The following PHACTR2 variants were observed in gnomAD, a reference collection of about 807,000 sequenced individuals.
PHACTR2 encodes the protein phosphatase and actin regulator 2.
Under a neutral mutation model 76.0 loss-of-function variants are expected in PHACTR2, and 30 were observed. The observed-to-expected ratio is 0.39, with a 90% confidence interval of 0.30 to 0.54. PHACTR2 has a LOEUF of 0.54. Ranked by LOEUF, PHACTR2 falls within the 20% of genes least tolerant of loss-of-function variation. The probability of loss-of-function intolerance (pLI) is 0.61; values close to 1 mark genes in which losing one functional copy is unlikely to be tolerated. For missense variants in PHACTR2, 696 were observed against 781.1 expected (o/e 0.89, Z 1.30); for synonymous variants, 292 against 292.5 (o/e 1.00, Z 0.02).
rs1775509657 is a variant in PHACTR2, at chr6:143,784,604, C to G, written c.1707+1324C>G. On this transcript the variant is annotated intron_variant, in intron 10 of 12. Transcript: ENST00000440869. The surrounding 1 kb of genome is among the most constrained non-coding windows in gnomAD (Gnocchi z 4.5). ...GGGACTATGTTGAAAGTGTTTGGTT[C>G]TGTTTTTCAAGGAAAAACATCCTTA... is the stretch of plus-strand genomic sequence containing the variant. Among the ~76,000 whole-genome samples, 1 of 152,160 alleles carries G rather than the reference C, an allele frequency of 6.6e-6. No homozygotes were observed. Among genetic ancestry groups the G allele is most frequent in the Non-Finnish European group, 1.5e-5 (1 of 68,030 alleles).
At position 143,780,593 on chromosome 6, in the gene PHACTR2, A is replaced by G. The variant is rs976305539; in HGVS notation, c.1646-2626A>G. Reference sequence around the variant, plus strand: ...TAATACTCCAATTGCTGGTATTTTTATACTTTTCTTTCTTCTTTTAGCTCA... The same window carrying G: ...TAATACTCCAATTGCTGGTATTTTTGTACTTTTCTTTCTTCTTTTAGCTCA... On this transcript the variant is annotated intron_variant, in intron 9 of 12. Coordinates refer to ENST00000440869, the MANE Select transcript of PHACTR2 (RefSeq NM_001100164.2). This position sits in a 1 kb window ranked among gnomAD's most constrained non-coding sequence, Gnocchi z 4.4. 6.6e-6 allele frequency among the ~76,000 whole-genome samples: 1 copy of G among 152,242 alleles called. No homozygotes were observed. The highest frequency in any genetic ancestry group is 2.4e-5 in the African/African-American group (1 of 41,470).
At position 143,777,338 on chromosome 6, in the gene PHACTR2, C is replaced by A; in HGVS notation, c.1600C>A (p.Gln534Lys). The A allele has an allele frequency of 1.3e-6, 2 of 1,597,944 alleles. No homozygotes were observed. The highest frequency in any genetic ancestry group is 2.2e-5 in the South Asian group (2 of 90,126). Residue 534 changes from glutamine to lysine, a missense_variant, in exon 9 of 13, where the codon CAG (glutamine) becomes AAG (lysine). Transcript: ENST00000440869. The surrounding 1 kb of genome is among the most constrained non-coding windows in gnomAD (Gnocchi z 4.6). ...IGTKLVRRLS[Q>K]RPTTEELEQR... is the part of the protein sequence containing the mutation. Reference sequence around the variant, plus strand: ...TTTTTGTCATCATAGGAGGCTGAGCCAGAGGCCCACAACTGAAGAATTAGA... The same window carrying A: ...TTTTTGTCATCATAGGAGGCTGAGCAAGAGGCCCACAACTGAAGAATTAGA...
rs1027447898 is a variant in PHACTR2, at chr6:143,722,449, C to T, written c.214+10266C>T. ...AATAGGCCAATTTGGTGAGCATCTT[C>T]TTGGCATGTCATTTTTTTCTTAAAT... On this transcript the variant is annotated intron_variant, in intron 2 of 12. Transcript: ENST00000440869. The surrounding 1 kb of genome is among the most constrained non-coding windows in gnomAD (Gnocchi z 4.1). Among the ~76,000 whole-genome samples the T allele has an allele frequency of 4.6e-5, 7 of 151,998 alleles. No individual in the cohort carries two copies. The highest frequency in any genetic ancestry group is 8.8e-5 in the Non-Finnish European group (6 of 67,996).
At position 143,709,551 on chromosome 6, in the gene PHACTR2, A is replaced by T. The variant is rs1778123881; in HGVS notation, c.47-2465A>T. Among the ~76,000 whole-genome samples the T allele has an allele frequency of 6.6e-6, 1 of 152,224 alleles. No homozygotes were observed. Among genetic ancestry groups the T allele is most frequent in the African/African-American group, 2.4e-5 (1 of 41,456 alleles). On this transcript the variant is annotated intron_variant, in intron 1 of 12. Coordinates refer to ENST00000440869, the MANE Select transcript of PHACTR2 (RefSeq NM_001100164.2). This position sits in a 1 kb window ranked among gnomAD's most constrained non-coding sequence, Gnocchi z 4.4. ...GATCTTGTTTGAAACCTTTGGTTTT[A>T]ACTGGCTTTGTCTGACACCTCTATA...
intron 2 of PHACTR2, among the ~76,000 whole-genome samples, chr6:143,728,263 G>A (rs1314255086): frequency 7.7e-6 from 1 of 129,828 alleles, no homozygotes; most frequent in Non-Finnish European, 1.6e-5. Context: ...TGTCACTTAG[G>A]CTGGAGTGCT....
At chr6:143,559,161 C>G (rs1378380190) in intron 1 of PHACTR2, among the ~76,000 whole-genome samples, 2 of 152,210 alleles carry the variant, frequency 1.3e-5, no homozygotes, top group African/African-American at 4.8e-5. Flanking sequence ...ATAGATGACT[C>G]TTCCAATAGA....
chr6:143,609,059 C>T (rs1390147227), intron 1 of PHACTR2, among the ~76,000 whole-genome samples: 1 of 152,070 alleles, frequency 6.6e-6, no homozygotes, highest in Non-Finnish European at 1.5e-5. Context: ...CAGAATTCTC[C>T]CAGCTGTGTT....
At chr6:143,705,017 A>G (rs9496746) in intron 1 of PHACTR2, among the ~76,000 whole-genome samples, 3,412 of 151,600 alleles carry the variant, frequency 0.023, 117 homozygotes, top group African/African-American at 0.073. Flanking sequence ...TAGTAGAGAC[A>G]GGGTTTCACT....
intron 1 of PHACTR2, among the ~76,000 whole-genome samples, chr6:143,666,077 T>C (rs1346477897): frequency 6.6e-6 from 1 of 151,734 alleles, no homozygotes; most frequent in Admixed American, 6.6e-5. Flanking sequence ...CCTCTCTATG[T>C]CCATGTATTC....
chr6:143,589,570 G>A lies in PHACTR2; in HGVS notation c.217+52363G>A, dbSNP rs1275600363. On this transcript the variant is annotated intron_variant, in intron 1 of 11. Transcript: ENST00000367584. This position sits in a 1 kb window ranked among gnomAD's most constrained non-coding sequence, Gnocchi z 4.4. ...AACAGACTGATACAACTGCCGTCTT[G>A]TATCCTCAGGTGGTCTTTTCTCTGT... Among the ~76,000 whole-genome samples, 1 of 152,132 alleles carries A rather than the reference G, an allele frequency of 6.6e-6. No individual in the cohort carries two copies. The highest frequency in any genetic ancestry group is 1.5e-5 in the Non-Finnish European group (1 of 68,024).
At chr6:143,720,590 T>A (rs1350513978) in intron 2 of PHACTR2, among the ~76,000 whole-genome samples, 5 of 152,168 alleles carry the variant, frequency 3.3e-5, no homozygotes, top group Non-Finnish European at 7.3e-5. Context: ...TGCCTCACAT[T>A]CACGAACCTC....
At chr6:143,651,502 A>G (rs1776763660) in intron 1 of PHACTR2, among the ~76,000 whole-genome samples, 1 of 152,230 alleles carries the variant, frequency 6.6e-6, no homozygotes, top group Non-Finnish European at 1.5e-5. Context: ...GTGGAATACT[A>G]TGCAGCCATA....
At chr6:143,565,474 C>T (rs543300030) in intron 1 of PHACTR2, among the ~76,000 whole-genome samples, 181 of 152,014 alleles carry the variant, frequency 1.2e-3, no homozygotes, top group Admixed American at 2.0e-3. Context: ...AAAAATTAGC[C>T]GGGCGTGGTG....
chr6:143,745,679 T>C (rs1483813541), intron 2 of PHACTR2, among the ~76,000 whole-genome samples: 4 of 152,174 alleles, frequency 2.6e-5, no homozygotes, highest in African/African-American at 9.6e-5. Flanking sequence ...GTGGTTGGAA[T>C]GTTGTGCCCC....
intron 9 of PHACTR2, among the ~76,000 whole-genome samples, chr6:143,778,473 C>CT (rs35759832): frequency 0.14 from 19,926 of 144,138 alleles, 1,768 homozygotes; most frequent in African/African-American, 0.24. Context: ...TTTTTTCTGG[C>CT]TTTTTTTTTT....
Position 143,656,920 on chromosome 6 carries a change from G to A in PHACTR2, c.13+48598G>A, listed in dbSNP as rs992829101. Among the ~76,000 whole-genome samples, 3 of 152,082 alleles carry A rather than the reference G, an allele frequency of 2.0e-5. No individual in the cohort carries two copies. The highest frequency in any genetic ancestry group is 4.4e-5 in the Non-Finnish European group (3 of 68,024). ...ATTTAAATATTATGAATGTTGAATG[G>A]CCAACCATAAGTTCAACTTGAACTA... On this transcript the variant is annotated intron_variant, in intron 1 of 11. Coordinates refer to the PHACTR2 transcript ENST00000305766. The surrounding 1 kb of genome is among the most constrained non-coding windows in gnomAD (Gnocchi z 5.3).
intron 6 of PHACTR2, among the ~76,000 whole-genome samples, chr6:143,768,176 A>G (rs1774992066): frequency 6.6e-6 from 1 of 152,208 alleles, no homozygotes; most frequent in South Asian, 2.1e-4. Flanking sequence ...GGACACATTC[A>G]AACCCTAGGA....
chr6:143,802,680 T>A (rs1775985597), intron 11 of PHACTR2, among the ~76,000 whole-genome samples: 2 of 144,058 alleles, frequency 1.4e-5, no homozygotes, highest in African/African-American at 5.1e-5. Context: ...CCTAATTACA[T>A]ATATGTGAAG....
At position 143,776,958 on chromosome 6, in the gene PHACTR2, T is replaced by G. The variant is rs1775294811; in HGVS notation, c.1590-370T>G. The stretch of plus-strand genomic sequence containing the variant: ...AAAAGGAAAGAGAAAGAAGGGAGCA[T>G]GCACCCAGGCATTTTAAGGATGAGA... On this transcript the variant is annotated intron_variant, in intron 8 of 12. Transcript: ENST00000440869. The surrounding 1 kb of genome is among the most constrained non-coding windows in gnomAD (Gnocchi z 5.3). Among the ~76,000 whole-genome samples the G allele has an allele frequency of 6.6e-6, 1 of 152,204 alleles. No individual in the cohort carries two copies.
Sources: allele counts gnomAD v4.1 joint callset (sites outside exome capture counted in the v4.1 genomes callset), GRCh38; gene constraint gnomAD v4.1.1; non-coding constraint Gnocchi (gnomAD v3.1); transcripts MANE v1.5; gene names NCBI Gene and HGNC (gene_info 2026-07-23, HGNC 2026-07-21).